Variants in IQCH observed in about 807,000 individuals in gnomAD.
The protein encoded by IQCH is IQ motif containing H, also known as IQ domain-containing protein H.
IQCH carries 98 observed loss-of-function variants against 117.0 expected under a neutral mutation model. The ratio of observed to expected loss-of-function variants is 0.84; its 90% CI spans 0.71 to 0.99. The LOEUF (loss-of-function observed/expected upper bound fraction) is 0.99, where lower values mean the gene tolerates loss of function less well. Among genes scored for constraint, IQCH ranks in the 50% least tolerant of loss-of-function variants. IQCH has a pLI of 0.00. For synonymous variants in IQCH, 412 were observed against 448.2 expected (o/e 0.92, Z 1.02); for missense variants, 1,102 against 1,243.8 (o/e 0.89, Z 1.72).
chr15:67,498,055 A>G (rs1342397006), intron 20 of IQCH, among the ~76,000 whole-genome samples: 1 of 152,168 alleles, frequency 6.6e-6, no homozygotes, highest in Non-Finnish European at 1.5e-5. Context: ...AACCAAAATA[A>G]TCTCAAAAAG....
In IQCH at chr15:67,424,318, T is replaced by C. The variant is rs997722999; in HGVS notation, c.2505+2741T>C. ...CCATCACATTTCAGCTCAAGCCACATTGACTGAAGCGCTTCCTGACCTTCC... is the reference window on the plus strand; with the variant it reads ...CCATCACATTTCAGCTCAAGCCACACTGACTGAAGCGCTTCCTGACCTTCC... On this transcript the variant is annotated intron_variant, in intron 16 of 20. Coordinates refer to ENST00000335894, the MANE Select transcript of IQCH (RefSeq NM_001031715.3). The surrounding 1 kb of genome is among the most constrained non-coding windows in gnomAD (Gnocchi z 4.9). 1.3e-5 allele frequency among the ~76,000 whole-genome samples: 2 copies of C among 152,226 alleles called. No individual in the cohort carries two copies. The highest frequency in any genetic ancestry group is 1.9e-4 in the East Asian group (1 of 5,206).
rs1971424103 is a variant in IQCH at position 67,395,269 on chromosome 15, G to C, written c.1633-22G>C. The C allele has an allele frequency of 6.2e-7, 1 of 1,602,786 alleles. No individual in the cohort carries two copies. Among genetic ancestry groups the C allele is most frequent in the Non-Finnish European group, 8.5e-7 (1 of 1,173,588 alleles). ...TAGAAAAAAGGACACCTTTTAACAAGAATAATATGATCTTCCCCCAGAAGC... is the reference window on the plus strand; with the variant it reads ...TAGAAAAAAGGACACCTTTTAACAACAATAATATGATCTTCCCCCAGAAGC... On this transcript the variant is annotated intron_variant, in intron 12 of 20. Coordinates refer to ENST00000335894, the MANE Select transcript of IQCH (RefSeq NM_001031715.3). The surrounding 1 kb of genome is among the most constrained non-coding windows in gnomAD (Gnocchi z 4.0).
At position 67,417,109 on chromosome 15, in the gene IQCH, T is replaced by C. The variant is rs2081596686; in HGVS notation, c.2218+58T>C. ...TAGTCTACACAACCTTGGATTCTAGTTTTGGGTCAACTGGGGCCAATTTAA... is the reference window on the plus strand; with the variant it reads ...TAGTCTACACAACCTTGGATTCTAGCTTTGGGTCAACTGGGGCCAATTTAA... On this transcript the variant is annotated intron_variant, in intron 15 of 20. Coordinates refer to ENST00000335894, the MANE Select transcript of IQCH (RefSeq NM_001031715.3). This position sits in a 1 kb window ranked among gnomAD's most constrained non-coding sequence, Gnocchi z 4.3. The C allele has an allele frequency of 1.4e-6, 2 of 1,467,848 alleles. No individual in the cohort carries two copies. Among genetic ancestry groups the C allele is most frequent in the South Asian group, 2.8e-5 (2 of 71,094 alleles). 90.9% of individuals were successfully genotyped at this position (1,467,848 alleles called of 1,614,324 possible). A position where few individuals can be genotyped will look rare whatever the true frequency, so the allele number is the denominator to read the frequency against.
At chr15:67,312,432 G>T (rs972208113) in intron 4 of IQCH, among the ~76,000 whole-genome samples, 19 of 152,046 alleles carry the variant, frequency 1.2e-4, no homozygotes, top group Non-Finnish European at 1.9e-4. Flanking sequence ...TTTCTTTCAC[G>T]CAAAAATCCA....
rs1967326331 is a variant in IQCH at position 67,306,887 on chromosome 15, T to C, written c.387+27375T>C. The C allele has an allele frequency of 2.6e-6, 4 of 1,520,944 alleles. No individual in the cohort carries two copies. In the South Asian group the frequency reaches 4.9e-5, roughly 19 times the overall value. 94.2% of individuals were successfully genotyped at this position (1,520,944 alleles called of 1,614,324 possible). On this transcript the variant is annotated intron_variant, in intron 4 of 20. Transcript: ENST00000335894. ...CCTGGTACTGTTCATGTTCCCTCAC[T>C]GACATCCAGTTCCAGTTAGACTTTA...
In IQCH at chr15:67,385,616, C is replaced by A. The variant is rs1971084864; in HGVS notation, c.1456+597C>A. 6.6e-6 allele frequency among the ~76,000 whole-genome samples: 1 copy of A among 152,114 alleles called. No homozygotes were observed. The highest frequency in any genetic ancestry group is 2.4e-5 in the African/African-American group (1 of 41,414). Reference sequence around the variant, plus strand: ...GATACTGGTTTGGTCAGTTCTTAATCAGACACCCATCTGGAGCCAGGAGAG... The same window carrying A: ...GATACTGGTTTGGTCAGTTCTTAATAAGACACCCATCTGGAGCCAGGAGAG... On this transcript the variant is annotated intron_variant, in intron 11 of 20. Coordinates refer to ENST00000335894, the MANE Select transcript of IQCH (RefSeq NM_001031715.3). The surrounding 1 kb of genome is among the most constrained non-coding windows in gnomAD (Gnocchi z 4.6).
At chr15:67,375,856 G>A (rs1219211624) in intron 10 of IQCH, among the ~76,000 whole-genome samples, 1 of 148,406 alleles carries the variant, frequency 6.7e-6, no homozygotes, top group African/African-American at 2.5e-5. Flanking sequence ...GTGCGATCTC[G>A]GCTCAGTGCA....
intron 10 of IQCH, chr15:67,373,710 G>T: frequency 1.9e-6 from 1 of 529,132 alleles, no homozygotes; most frequent in South Asian, 2.3e-5. Context: ...CTAAAAAGTT[G>T]TATTTTTCCC....
intron 8 of IQCH, among the ~76,000 whole-genome samples, chr15:67,362,414 C>G (rs1332101616): frequency 1.3e-5 from 2 of 152,124 alleles, no homozygotes; most frequent in African/African-American, 4.8e-5. Flanking sequence ...ACATTGTAAT[C>G]TCAAATTTGG....
intron 4 of IQCH, among the ~76,000 whole-genome samples, chr15:67,303,312 G>A (rs908269781): frequency 1.3e-5 from 2 of 152,108 alleles, no homozygotes; most frequent in African/African-American, 4.8e-5. Flanking sequence ...ATTGCTAATG[G>A]GTATGAGGTC....
chr15:67,435,289 A>T (rs1372964344), intron 16 of IQCH, among the ~76,000 whole-genome samples: 5 of 151,954 alleles, frequency 3.3e-5, no homozygotes, highest in Non-Finnish European at 4.4e-5. Context: ...GTATGTCTTT[A>T]AAAAAAAGTC....
chr15:67,303,040 A>ACCCT (rs1179030897), intron 4 of IQCH, among the ~76,000 whole-genome samples: 3 of 152,214 alleles, frequency 2.0e-5, no homozygotes, highest in Non-Finnish European at 2.9e-5. Context: ...CTTATGTCAA[A>ACCCT]GAAATAGATG....
At chr15:67,274,891 G>A (rs545608910) in intron 3 of IQCH, among the ~76,000 whole-genome samples, 10 of 152,156 alleles carry the variant, frequency 6.6e-5, no homozygotes, top group South Asian at 4.2e-4. Flanking sequence ...ACTTAAGCCC[G>A]GATTTGTGTC....
chr15:67,340,426 C>CAAAAAAAAAAAAAAAAAAA (rs57244130), intron 5 of IQCH, among the ~76,000 whole-genome samples: 6 of 62,658 alleles, frequency 9.6e-5, no homozygotes, highest in African/African-American at 1.3e-4. Context: ...TACTCCATCT[C>CAAAAAAAAAAAAAAAAAAA]AAAAAAAAAA....
chr15:67,421,963 G>T (rs2081757395), intron 16 of IQCH, among the ~76,000 whole-genome samples: 1 of 152,112 alleles, frequency 6.6e-6, no homozygotes, highest in Admixed American at 6.5e-5. Flanking sequence ...GCTGGGCCTG[G>T]TGGCATGCAC....
At chr15:67,389,873 C>CA (rs578055176) in intron 12 of IQCH, among the ~76,000 whole-genome samples, 1,155 of 43,932 alleles carry the variant, frequency 0.026, 8 homozygotes, top group Middle Eastern at 0.1. Flanking sequence ...ATGATTTGAC[C>CA]AAAAAAAAAA....
In IQCH at chr15:67,365,865, G is replaced by C. The variant is rs1397681027; in HGVS notation, c.753+5980G>C. Among the ~76,000 whole-genome samples the C allele has an allele frequency of 6.6e-6, 1 of 152,170 alleles. No homozygotes were observed. The highest frequency in any genetic ancestry group is 1.5e-5 in the Non-Finnish European group (1 of 68,034). ...GAATCACTTGAACCTGGGAGGTGGA[G>C]GTTGCAGTGAGCTGAGATTGCACCA... On this transcript the variant is annotated intron_variant, in intron 8 of 20. Transcript: ENST00000335894. This position sits in a 1 kb window ranked among gnomAD's most constrained non-coding sequence, Gnocchi z 4.4.
In IQCH at chr15:67,356,264, G is replaced by T. The variant is rs1335740341; in HGVS notation, c.638-1081G>T. Among the ~76,000 whole-genome samples the T allele has an allele frequency of 6.6e-6, 1 of 152,194 alleles. No homozygotes were observed. The highest frequency in any genetic ancestry group is 6.5e-5 in the Admixed American group (1 of 15,282). On this transcript the variant is annotated intron_variant, in intron 6 of 20. Coordinates refer to ENST00000335894, the MANE Select transcript of IQCH (RefSeq NM_001031715.3). This position sits in a 1 kb window ranked among gnomAD's most constrained non-coding sequence, Gnocchi z 5.3. Reference sequence around the variant, plus strand: ...TTCATACACTACTGGCCAGGGGATAGTGAGGACTACAAGTCACAGGGAAGC... The same window carrying T: ...TTCATACACTACTGGCCAGGGGATATTGAGGACTACAAGTCACAGGGAAGC...
chr15:67,479,999 T>C lies in IQCH; in HGVS notation c.2799+4181T>C, dbSNP rs1315411697. The stretch of plus-strand genomic sequence containing the variant: ...CGGGTATTTCTCTAATGCTACAGAA[T>C]ACCCCCACTGACTTCCTAATGAAAT... On this transcript the variant is annotated intron_variant, in intron 18 of 20. Transcript: ENST00000335894. This position sits in a 1 kb window ranked among gnomAD's most constrained non-coding sequence, Gnocchi z 4.6. Among the ~76,000 whole-genome samples, 1 of 152,216 alleles carries C rather than the reference T, an allele frequency of 6.6e-6. No homozygotes were observed. Among genetic ancestry groups the C allele is most frequent in the Non-Finnish European group, 1.5e-5 (1 of 68,038 alleles).
Sources: gnomAD v4.1 joint callset for allele counts (sites outside exome capture counted in the v4.1 genomes callset) on GRCh38, gnomAD v4.1.1 for gene constraint, Gnocchi (gnomAD v3.1) non-coding constraint, MANE v1.5 for transcripts, NCBI Gene and HGNC (gene_info 2026-07-23, HGNC 2026-07-21) for gene names.